TTYH3: variants seen among roughly 807,000 people sequenced by gnomAD.
TTYH3 encodes the protein protein tweety homolog 3.
Under a neutral mutation model 68.2 loss-of-function variants are expected in TTYH3, and 23 were observed. That is an observed-to-expected ratio of 0.34 (90% CI 0.24 to 0.48). The LOEUF (loss-of-function observed/expected upper bound fraction) is 0.48, where lower values mean the gene tolerates loss of function less well. Ranked by LOEUF, TTYH3 falls within the 20% of genes least tolerant of loss-of-function variation. The pLI is 0.99. For missense variants in TTYH3, 768 were observed against 727.7 expected (o/e 1.06, Z -0.64); for synonymous variants, 360 against 332.8 (o/e 1.08, Z -0.89).
intron 9 of TTYH3, 99 bp downstream of exon 9, chr7:2,653,109 G>A: frequency 8.9e-7 from 1 of 1,120,680 alleles, no homozygotes; most frequent in Non-Finnish European, 1.3e-6. Flanking sequence ...CAAATTTGGA[G>A]AAGGCACCAG....
chr7:2,660,925 G>A (rs997953256), intron 13 of TTYH3, among the ~76,000 whole-genome samples: 6 of 152,190 alleles, frequency 3.9e-5, no homozygotes, highest in African/African-American at 7.2e-5. Flanking sequence ...GCACACACAC[G>A]TGCACTCAAG....
chr7:2,660,134 G>A, intron 13 of TTYH3: 3 of 1,217,456 alleles, frequency 2.5e-6, no homozygotes, highest in Non-Finnish European at 3.2e-6. Flanking sequence ...TCGGCACTGA[G>A]CTGGGGCTCC....
At chr7:2,659,801 G>T in intron 13 of TTYH3, 2 of 1,128,250 alleles carry the variant, frequency 1.8e-6, no homozygotes, top group Non-Finnish European at 2.3e-6. Flanking sequence ...CCACACAGGT[G>T]CAGGCCCAGT....
intron 1 of TTYH3, among the ~76,000 whole-genome samples, chr7:2,644,155 C>A (rs1234288052): frequency 2.0e-5 from 3 of 152,124 alleles, no homozygotes; most frequent in African/African-American, 4.8e-5. Context: ...GGGCATGGGT[C>A]CTGTGGAGCT....
intron 1 of TTYH3, among the ~76,000 whole-genome samples, chr7:2,641,745 C>T (rs1230326934): frequency 6.6e-6 from 1 of 152,252 alleles, no homozygotes; most frequent in African/African-American, 2.4e-5. Context: ...CGCAGGAGAC[C>T]GTCTGCTGGG....
At chr7:2,641,119 C>T (rs1038647167) in intron 1 of TTYH3, among the ~76,000 whole-genome samples, 1 of 152,182 alleles carries the variant, frequency 6.6e-6, no homozygotes, top group African/African-American at 2.4e-5. Context: ...CAGCCCTGCC[C>T]GCTCCTCACC....
chr7:2,636,213 G>T (rs1785652965), intron 1 of TTYH3, among the ~76,000 whole-genome samples: 1 of 152,228 alleles, frequency 6.6e-6, no homozygotes, highest in South Asian at 2.1e-4. Flanking sequence ...GTTCCCTGGG[G>T]CAGGGCTGGC....
In TTYH3 at chr7:2,645,734, A is replaced by G; in HGVS notation, c.124-1119A>G. 2.1e-6 allele frequency: 1 copy of G among 469,278 alleles called. No individual in the cohort carries two copies. The highest frequency in any genetic ancestry group is 7.0e-5 in the East Asian group (1 of 14,382). The allele number at this position is 469,278 out of a possible 1,614,324, so 29.1% of individuals were successfully genotyped here. ...CGGTGCACAGACCCCAGACAGGATCAGACTCCTGATGGGGCCTCTTCCATG... is the reference window on the plus strand; with the variant it reads ...CGGTGCACAGACCCCAGACAGGATCGGACTCCTGATGGGGCCTCTTCCATG... On this transcript the variant is annotated intron_variant, in intron 1 of 13. Coordinates refer to ENST00000258796, the MANE Select transcript of TTYH3 (RefSeq NM_025250.3). The surrounding 1 kb of genome is among the most constrained non-coding windows in gnomAD (Gnocchi z 4.8).
intron 7 of TTYH3, among the ~76,000 whole-genome samples, chr7:2,651,450 G>T (rs1488385977): frequency 6.6e-6 from 1 of 152,202 alleles, no homozygotes; most frequent in African/African-American, 2.4e-5. Context: ...GGGAGGGCTG[G>T]TGACCGCTCA....
chr7:2,643,717 C>T (rs957340623), intron 1 of TTYH3, among the ~76,000 whole-genome samples: 7 of 152,208 alleles, frequency 4.6e-5, no homozygotes, highest in East Asian at 1.9e-4. Flanking sequence ...GCTCTGGCGC[C>T]GCTGAGGAAG....
chr7:2,655,424 G>A (rs540756617), intron 9 of TTYH3, among the ~76,000 whole-genome samples: 1 of 152,344 alleles, frequency 6.6e-6, no homozygotes, highest in South Asian at 2.1e-4. Context: ...GGGATTACAG[G>A]GGTGAGCCAC....
intron 7 of TTYH3, among the ~76,000 whole-genome samples, chr7:2,651,613 C>T (rs1270435963): frequency 5.3e-5 from 8 of 152,244 alleles, no homozygotes; most frequent in East Asian, 1.9e-4. Flanking sequence ...CTCCAGCCTG[C>T]GGGCCAGACA....
intron 13 of TTYH3, among the ~76,000 whole-genome samples, chr7:2,659,548 G>T (rs1583578081): frequency 6.6e-6 from 1 of 152,208 alleles, no homozygotes; most frequent in African/African-American, 2.4e-5. Context: ...TTCAGCCCAG[G>T]CCTGGTGTCC....
Position 2,647,488 on chromosome 7 carries a change from C to G in TTYH3, c.476C>G (p.Ala159Gly). Residue 159 changes from alanine to glycine, a missense_variant, in exon 4 of 14, where the codon GCC becomes GGC. By Grantham distance (60) the Ala-to-Gly change is moderately conservative (BLOSUM62 0). Coordinates refer to ENST00000258796, the MANE Select transcript of TTYH3 (RefSeq NM_025250.3). ...PSLQTLERQLAGRPEPLRAVQ... is the reference protein window; with the variant it reads ...PSLQTLERQLGGRPEPLRAVQ... The stretch of plus-strand genomic sequence containing the variant: ...CTGCAGACCCTGGAGCGGCAGCTGG[C>G]CGGGCGGCCCGAGCCCCTGCGAGCC... 1 of 1,536,382 alleles carries G rather than the reference C, an allele frequency of 6.5e-7. No individual in the cohort carries two copies. Among genetic ancestry groups the G allele is most frequent in the Non-Finnish European group, 8.7e-7 (1 of 1,144,416 alleles).
rs529054262 is a variant in TTYH3 at position 2,658,240 on chromosome 7, C to G, written c.1251-46C>G. On this transcript the variant is annotated intron_variant, in intron 11 of 13. Coordinates refer to ENST00000258796, the MANE Select transcript of TTYH3 (RefSeq NM_025250.3). ...GACCCCCATGGGTCTGTGGCCAGCT[C>G]CTTCCTGCTGGGGCCTGAGCCCGTG... 18 of 1,477,044 alleles carry G rather than the reference C, an allele frequency of 1.2e-5. No homozygotes were observed. In the South Asian group the frequency reaches 2.4e-4, roughly 20 times the overall value. The allele number at this position is 1,477,044 out of a possible 1,614,324, so 91.5% of individuals were successfully genotyped here. A position where few individuals can be genotyped will look rare whatever the true frequency, so the allele number is the denominator to read the frequency against.
At position 2,655,964 on chromosome 7, in the gene TTYH3, G is replaced by A. The variant is rs925238706; in HGVS notation, c.1021-128G>A. 1.2e-5 allele frequency: 9 copies of A among 721,886 alleles called. No individual in the cohort carries two copies. In the South Asian group the frequency reaches 1.7e-4, roughly 13 times the overall value. 44.7% of individuals were successfully genotyped at this position (721,886 alleles called of 1,614,324 possible). A position where few individuals can be genotyped will look rare whatever the true frequency, so the allele number is the denominator to read the frequency against. ...CTCAGGACCTGCACTGAGACCCCAG[G>A]GTGGGGGGTATCTCAGTCGAAGATT... On this transcript the variant is annotated intron_variant, in intron 9 of 13. Coordinates refer to ENST00000258796, the MANE Select transcript of TTYH3 (RefSeq NM_025250.3).
intron 9 of TTYH3, among the ~76,000 whole-genome samples, chr7:2,655,280 G>A (rs1476094018): frequency 6.6e-6 from 1 of 152,152 alleles, no homozygotes; most frequent in East Asian, 1.9e-4. Flanking sequence ...TGAGTAGCTG[G>A]GACTACAGGC....
At chr7:2,637,988 C>T (rs1483822782) in intron 1 of TTYH3, among the ~76,000 whole-genome samples, 1 of 152,218 alleles carries the variant, frequency 6.6e-6, no homozygotes, top group Admixed American at 6.5e-5. Context: ...CCACAGTGCC[C>T]CTAGCCGTTC....
intron 13 of TTYH3, 95 bp from the exon 14 acceptor site, chr7:2,661,573 G>A: frequency 1.6e-6 from 2 of 1,252,644 alleles, no homozygotes; most frequent in Non-Finnish European, 1.1e-6. Flanking sequence ...CCCCAGGGCT[G>A]TTGGCTCAGC....
Sources: allele counts gnomAD v4.1 joint callset (sites outside exome capture counted in the v4.1 genomes callset), GRCh38; gene constraint gnomAD v4.1.1; non-coding constraint Gnocchi (gnomAD v3.1); transcripts MANE v1.5; gene names NCBI Gene and HGNC (gene_info 2026-07-23, HGNC 2026-07-21).